XKR4: variants seen among roughly 807,000 people sequenced by gnomAD.
XKR4 encodes the protein XK-related protein 4.
In XKR4, 12 loss-of-function variants were observed where a neutral mutation model predicts 53.9. The ratio of observed to expected loss-of-function variants is 0.22; its 90% CI spans 0.14 to 0.36. The LOEUF (loss-of-function observed/expected upper bound fraction) is 0.36. Among genes scored for constraint, XKR4 ranks in the 10% least tolerant of loss-of-function variants. The pLI is 1.00. For synonymous variants in XKR4, 354 were observed against 362.4 expected (o/e 0.98, Z 0.26); for missense variants, 799 against 859.5 (o/e 0.93, Z 0.88).
intron 1 of XKR4, among the ~76,000 whole-genome samples, chr8:55,354,153 T>C (rs1434167386): frequency 6.6e-6 from 1 of 152,108 alleles, no homozygotes; most frequent in African/African-American, 2.4e-5. Flanking sequence ...ATCAAAACCA[T>C]GCAGGAGAAA....
chr8:55,494,054 T>C (rs1170726857), intron 2 of XKR4, among the ~76,000 whole-genome samples: 1 of 152,264 alleles, frequency 6.6e-6, no homozygotes, highest in East Asian at 1.9e-4. Flanking sequence ...GTTTGGCTCA[T>C]GCTACTGGCC....
chr8:55,307,125 G>T (rs1819314127), intron 1 of XKR4, among the ~76,000 whole-genome samples: 3 of 152,030 alleles, frequency 2.0e-5, no homozygotes, highest in African/African-American at 7.2e-5. Flanking sequence ...ATTCAGAAAA[G>T]GAAAATTGAT....
rs181706807 is a variant in XKR4 at position 55,480,498 on chromosome 8, G to A, written c.1007-42783G>A. Among the ~76,000 whole-genome samples the A allele has an allele frequency of 3.9e-3, 588 of 152,238 alleles. 4 individuals carry two copies. Among genetic ancestry groups the A allele is most frequent in the African/African-American group, 0.013 (549 of 41,526 alleles). On this transcript the variant is annotated intron_variant, in intron 2 of 2. Transcript: ENST00000327381. ...TCCCTTTGAAAACTGGCACAAGACA[G>A]GGATGCCCTCTCTCACTACTCCTAT...
chr8:55,445,420 C>A (rs1312042819), intron 2 of XKR4, among the ~76,000 whole-genome samples: 1 of 152,094 alleles, frequency 6.6e-6, no homozygotes, highest in Non-Finnish European at 1.5e-5. Context: ...GGGCACTATA[C>A]TTTGATTATT....
At chr8:55,180,474 C>T (rs960355159) in intron 1 of XKR4, among the ~76,000 whole-genome samples, 7 of 152,120 alleles carry the variant, frequency 4.6e-5, no homozygotes, top group East Asian at 3.9e-4. Context: ...GTCAGTGTGG[C>T]GAAAGGAACT....
chr8:55,432,921 A>G (rs1363972845), intron 2 of XKR4, among the ~76,000 whole-genome samples: 1 of 152,150 alleles, frequency 6.6e-6, no homozygotes, highest in African/African-American at 2.4e-5. Flanking sequence ...TTCTGAGTAA[A>G]GTAGCAGGTG....
At chr8:55,211,418 T>C (rs1817728158) in intron 1 of XKR4, among the ~76,000 whole-genome samples, 1 of 152,246 alleles carries the variant, frequency 6.6e-6, no homozygotes, top group Non-Finnish European at 1.5e-5. Flanking sequence ...AGATTTGAAA[T>C]ACAACTTCTT....
At chr8:55,302,456 T>A (rs1819216146) in intron 1 of XKR4, among the ~76,000 whole-genome samples, 1 of 152,236 alleles carries the variant, frequency 6.6e-6, no homozygotes, top group Admixed American at 6.5e-5. Flanking sequence ...TTCTTTTGGC[T>A]TAGGATTGAC....
At chr8:55,425,961 G>A (rs931185475) in intron 2 of XKR4, among the ~76,000 whole-genome samples, 5 of 152,144 alleles carry the variant, frequency 3.3e-5, no homozygotes, top group Non-Finnish European at 7.3e-5. Flanking sequence ...GGGCTCTCAG[G>A]GGAAGCACCT....
At chr8:55,269,303 G>A (rs2129372262) in intron 1 of XKR4, among the ~76,000 whole-genome samples, 1 of 151,926 alleles carries the variant, frequency 6.6e-6, no homozygotes, top group East Asian at 1.9e-4. Context: ...TGTGTTTTGA[G>A]GAGTTAGCTT....
intron 2 of XKR4, among the ~76,000 whole-genome samples, chr8:55,489,376 CTGTT>C (rs899638091): frequency 7.2e-5 from 11 of 152,086 alleles, no homozygotes; most frequent in Non-Finnish European, 1.3e-4. Flanking sequence ...CTTTCAAAAA[CTGTT>C]TGTCAATTTT....
At chr8:55,416,397 G>A (rs1289337095) in intron 2 of XKR4, among the ~76,000 whole-genome samples, 2 of 152,192 alleles carry the variant, frequency 1.3e-5, no homozygotes, top group African/African-American at 4.8e-5. Flanking sequence ...TGCTCACCAT[G>A]TAATCTTACC....
At chr8:55,353,862 C>G (rs1472502687) in intron 1 of XKR4, among the ~76,000 whole-genome samples, 1 of 152,142 alleles carries the variant, frequency 6.6e-6, no homozygotes, top group African/African-American at 2.4e-5. Context: ...CCATGAAAGT[C>G]CCTGTAAAGT....
intron 2 of XKR4, among the ~76,000 whole-genome samples, chr8:55,487,030 A>G (rs1490454305): frequency 1.3e-5 from 2 of 152,242 alleles, no homozygotes; most frequent in Non-Finnish European, 2.9e-5. Flanking sequence ...AAATTGGCTC[A>G]CACAATTCTG....
intron 2 of XKR4, among the ~76,000 whole-genome samples, chr8:55,516,971 T>C (rs1201651418): frequency 6.6e-6 from 1 of 152,168 alleles, no homozygotes; most frequent in Non-Finnish European, 1.5e-5. Context: ...CATGTTTTTT[T>C]GCAGCAACAT....
chr8:55,166,688 T>C (rs1817069678), intron 1 of XKR4, among the ~76,000 whole-genome samples: 1 of 152,066 alleles, frequency 6.6e-6, no homozygotes, highest in African/African-American at 2.4e-5. Context: ...ATGATGGTAG[T>C]GAATTATGTG....
rs1389350883 is a variant in XKR4 at position 55,532,777 on chromosome 8, A to G, written c.*8550A>G. 3 of 139,392 alleles carry G rather than the reference A, an allele frequency of 2.2e-5. No individual in the cohort carries two copies. Among genetic ancestry groups the G allele is most frequent in the African/African-American group, 8.3e-5 (3 of 36,256 alleles). The allele number at this position is 139,392 out of a possible 1,614,324, so 8.6% of individuals were successfully genotyped here. On this transcript the variant is annotated 3_prime_UTR_variant, in exon 3 of 3. Coordinates refer to ENST00000327381, the MANE Select transcript of XKR4 (RefSeq NM_052898.2). The stretch of plus-strand genomic sequence containing the variant: ...GTGCCACTGCACTCCAGCCTGGGTG[A>G]CAGAGCAAGACTCCGTCTCAAAAAA...
At chr8:55,370,315 C>A (rs990743226) in intron 2 of XKR4, among the ~76,000 whole-genome samples, 7 of 152,088 alleles carry the variant, frequency 4.6e-5, no homozygotes, top group Non-Finnish European at 7.4e-5. Context: ...GGGGCAAATC[C>A]GTTGAGATTT....
At chr8:55,167,426 A>G (rs1449169373) in intron 1 of XKR4, among the ~76,000 whole-genome samples, 5 of 152,180 alleles carry the variant, frequency 3.3e-5, no homozygotes, top group Non-Finnish European at 7.3e-5. Flanking sequence ...CATGAGTATG[A>G]TGCTCCAAGC....
Sources: gnomAD v4.1 joint callset for allele counts (sites outside exome capture counted in the v4.1 genomes callset) on GRCh38, gnomAD v4.1.1 for gene constraint, MANE v1.5 for transcripts, NCBI Gene and HGNC (gene_info 2026-07-23, HGNC 2026-07-21) for gene names.